The following SLC35F1 variants were observed in gnomAD, a reference collection of about 807,000 sequenced individuals.
The protein encoded by SLC35F1 is solute carrier family 35 member F1, also known as chromosome 6 open reading frame 169.
SLC35F1 carries 14 observed loss-of-function variants against 48.7 expected under a neutral mutation model. That is an observed-to-expected ratio of 0.29 (90% CI 0.19 to 0.45). The LOEUF (loss-of-function observed/expected upper bound fraction) is 0.45, where lower values mean the gene tolerates loss of function less well. SLC35F1 is among the 20% of genes least tolerant of loss of function. The pLI is 1.00. For synonymous variants in SLC35F1, 190 were observed against 202.2 expected, an observed-to-expected ratio of 0.94 and a Z score of 0.51; for missense variants, 404 against 500.0, an observed-to-expected ratio of 0.81 and a Z score of 1.83.
At chr6:118,095,837 G>T (rs1166824409) in intron 1 of SLC35F1, among the ~76,000 whole-genome samples, 1 of 152,160 alleles carries the variant, frequency 6.6e-6, no homozygotes, top group Non-Finnish European at 1.5e-5. Flanking sequence ...AAGCAGAAAA[G>T]AAAGGCCAGG....
intron 1 of SLC35F1, among the ~76,000 whole-genome samples, chr6:117,952,938 T>A (rs1776382605): frequency 6.6e-6 from 1 of 152,204 alleles, no homozygotes; most frequent in Admixed American, 6.5e-5. Context: ...AAAATATTAC[T>A]GAGAACCTTC....
At chr6:118,141,122 CCACT>C (rs1411444985) in intron 1 of SLC35F1, among the ~76,000 whole-genome samples, 5 of 152,190 alleles carry the variant, frequency 3.3e-5, no homozygotes, top group Non-Finnish European at 5.9e-5. Context: ...CATTCACTCA[CCACT>C]CACTCACTGA....
At chr6:118,056,408 T>A (rs986810626) in intron 1 of SLC35F1, among the ~76,000 whole-genome samples, 13 of 152,234 alleles carry the variant, frequency 8.5e-5, no homozygotes, top group Admixed American at 7.9e-4. Context: ...AGTCTCATCA[T>A]ATTTATTTGA....
At chr6:118,106,793 G>T (rs1396437190) in intron 1 of SLC35F1, among the ~76,000 whole-genome samples, 1 of 152,038 alleles carries the variant, frequency 6.6e-6, no homozygotes, top group Non-Finnish European at 1.5e-5. Context: ...ACTTCCTCTG[G>T]CTTTCACAAT....
chr6:118,112,381 C>T (rs961541375), intron 1 of SLC35F1, among the ~76,000 whole-genome samples: 4 of 151,994 alleles, frequency 2.6e-5, no homozygotes, highest in Non-Finnish European at 4.4e-5. Flanking sequence ...AGTACATCTC[C>T]CCATGATCTT....
chr6:118,232,505 G>A (rs1319235692), intron 2 of SLC35F1, among the ~76,000 whole-genome samples: 7 of 137,308 alleles, frequency 5.1e-5, no homozygotes, highest in East Asian at 2.1e-4. Flanking sequence ...CCAAGATCGC[G>A]CCATTGCACT....
chr6:117,978,150 ATCT>A (rs1776728120), intron 1 of SLC35F1, among the ~76,000 whole-genome samples: 1 of 152,072 alleles, frequency 6.6e-6, no homozygotes, highest in Admixed American at 6.6e-5. Flanking sequence ...TATTGGACCT[ATCT>A]TCTCCCTCCA....
intron 6 of SLC35F1, among the ~76,000 whole-genome samples, chr6:118,280,384 G>T (rs76391841): frequency 0.013 from 1,913 of 152,234 alleles, 42 homozygotes; most frequent in African/African-American, 0.044. Flanking sequence ...TCAGAGAAAA[G>T]AAAAAGTGTG....
At chr6:118,292,690 T>G (rs1478805580) in intron 7 of SLC35F1, among the ~76,000 whole-genome samples, 64 of 149,748 alleles carry the variant, frequency 4.3e-4, no homozygotes, top group East Asian at 5.8e-4. Context: ...TTTGGTTGTT[T>G]TTTTTTTTTT....
chr6:118,256,869 A>G (rs1021680479), intron 3 of SLC35F1, among the ~76,000 whole-genome samples: 5 of 152,168 alleles, frequency 3.3e-5, no homozygotes, highest in South Asian at 2.1e-4. Flanking sequence ...TGGAAACCAC[A>G]GAGAATTTGG....
chr6:118,081,509 C>T (rs1392100543), intron 1 of SLC35F1, among the ~76,000 whole-genome samples: 1 of 152,022 alleles, frequency 6.6e-6, no homozygotes, highest in Non-Finnish European at 1.5e-5. Flanking sequence ...GTGGCATGCA[C>T]CTGTAGTCCC....
chr6:118,135,683 G>T (rs1408105675), intron 1 of SLC35F1, among the ~76,000 whole-genome samples: 2 of 152,200 alleles, frequency 1.3e-5, no homozygotes, highest in Non-Finnish European at 2.9e-5. Flanking sequence ...GACCTCTGCT[G>T]CCCAGAGAGT....
At chr6:118,048,904 A>C (rs1193312624) in intron 1 of SLC35F1, among the ~76,000 whole-genome samples, 1 of 152,208 alleles carries the variant, frequency 6.6e-6, no homozygotes, top group East Asian at 1.9e-4. Flanking sequence ...CCGCATCGCC[A>C]AGTCAATCCT....
At chr6:118,065,310 G>C (rs551739037) in intron 1 of SLC35F1, among the ~76,000 whole-genome samples, 1 of 152,136 alleles carries the variant, frequency 6.6e-6, no homozygotes, top group African/African-American at 2.4e-5. Flanking sequence ...CTTAAAGATA[G>C]GGCTGAATTA....
intron 1 of SLC35F1, among the ~76,000 whole-genome samples, chr6:117,959,874 T>C (rs191660075): frequency 6.6e-6 from 1 of 152,206 alleles, no homozygotes; most frequent in East Asian, 1.9e-4. Context: ...TCCATAGATA[T>C]ATGAATTATA....
At chr6:117,989,122 G>A (rs1776884747) in intron 1 of SLC35F1, among the ~76,000 whole-genome samples, 1 of 152,182 alleles carries the variant, frequency 6.6e-6, no homozygotes, top group East Asian at 1.9e-4. Context: ...GGTCACCTCT[G>A]AAAGGGTCAT....
chr6:118,272,437 G>A (rs1490245226), intron 4 of SLC35F1, among the ~76,000 whole-genome samples: 1 of 152,068 alleles, frequency 6.6e-6, no homozygotes, highest in Non-Finnish European at 1.5e-5. Context: ...AATGACAGAT[G>A]TTCTAGCATA....
intron 2 of SLC35F1, among the ~76,000 whole-genome samples, chr6:118,165,715 G>T (rs969978236): frequency 6.6e-6 from 1 of 152,178 alleles, no homozygotes; most frequent in Non-Finnish European, 1.5e-5. Flanking sequence ...AACTGCAGAA[G>T]GTGAGGAAAA....
intron 1 of SLC35F1, among the ~76,000 whole-genome samples, chr6:118,142,668 T>C (rs205970): frequency 0.032 from 4,836 of 152,282 alleles, 184 homozygotes; most frequent in African/African-American, 0.08. Context: ...TTTTCATTCT[T>C]ATAGAAGACC....
Sources: allele counts gnomAD v4.1 joint callset (sites outside exome capture counted in the v4.1 genomes callset), GRCh38; gene constraint gnomAD v4.1.1; transcripts MANE v1.5; gene names NCBI Gene and HGNC (gene_info 2026-07-23, HGNC 2026-07-21).